Variants in NOL4 observed in about 807,000 individuals in gnomAD.
NOL4 encodes cancer/testis antigen 125.
Under a neutral mutation model 75.9 loss-of-function variants are expected in NOL4, and 17 were observed. That is an observed-to-expected ratio of 0.22 (90% CI 0.15 to 0.34). The LOEUF (loss-of-function observed/expected upper bound fraction) is 0.34. Ranked by LOEUF, NOL4 falls within the 10% of genes least tolerant of loss-of-function variation. The probability of loss-of-function intolerance (pLI) is 1.00; values close to 1 mark genes in which losing one functional copy is unlikely to be tolerated. For missense variants in NOL4, 614 were observed against 793.5 expected, an observed-to-expected ratio of 0.77 and a Z score of 2.72; for synonymous variants, 292 against 289.9, an observed-to-expected ratio of 1.01 and a Z score of -0.07.
intron 4 of NOL4, among the ~76,000 whole-genome samples, chr18:34,095,251 ATGTGTGTGTGTG>A (rs60017439): frequency 3.5e-5 from 5 of 144,408 alleles, no homozygotes; most frequent in Admixed American, 2.8e-4. Context: ...TCTAATGTGT[ATGTGTGTGTGTG>A]TGTGTGTGTG....
At chr18:34,054,964 C>T (rs572275648) in intron 5 of NOL4, among the ~76,000 whole-genome samples, 4 of 148,740 alleles carry the variant, frequency 2.7e-5, no homozygotes, top group South Asian at 2.1e-4. Context: ...TGCATATTTC[C>T]ATATTATATA....
intron 1 of NOL4, among the ~76,000 whole-genome samples, chr18:34,201,480 C>A (rs947308079): frequency 6.6e-6 from 1 of 151,760 alleles, no homozygotes; most frequent in South Asian, 2.1e-4. Context: ...TTATATATCC[C>A]AAGAGACAGA....
intron 1 of NOL4, among the ~76,000 whole-genome samples, chr18:34,160,351 G>T (rs193066291): frequency 3.9e-5 from 6 of 151,992 alleles, no homozygotes; most frequent in East Asian, 3.9e-4. Context: ...CATGAAAAAA[G>T]ATTTTATTGT....
At chr18:34,095,024 T>C (rs2078705747) in intron 4 of NOL4, among the ~76,000 whole-genome samples, 1 of 152,166 alleles carries the variant, frequency 6.6e-6, no homozygotes, top group Non-Finnish European at 1.5e-5. Context: ...GACTAATAAA[T>C]TGGCATTCTG....
intron 5 of NOL4, 95 bp from the exon 6 acceptor site, chr18:34,019,696 G>T (rs77574059): frequency 0.015 from 15,263 of 1,045,862 alleles, 145 homozygotes; most frequent in Non-Finnish European, 0.018. Context: ...TATATGAATG[G>T]CATTTTACAT....
intron 5 of NOL4, among the ~76,000 whole-genome samples, chr18:34,084,644 G>A (rs1568321336): frequency 6.6e-6 from 1 of 152,294 alleles, no homozygotes; most frequent in South Asian, 2.1e-4. Context: ...GTGGAGAAAT[G>A]AGACTGGTAA....
chr18:34,075,377 G>A (rs1169606090), intron 5 of NOL4, among the ~76,000 whole-genome samples: 2 of 152,136 alleles, frequency 1.3e-5, no homozygotes, highest in African/African-American at 4.8e-5. Flanking sequence ...ATCTAGGAGT[G>A]TGCAGAAAAT....
At chr18:34,132,417 G>C (rs1216357121) in intron 1 of NOL4, among the ~76,000 whole-genome samples, 3 of 152,168 alleles carry the variant, frequency 2.0e-5, no homozygotes, top group Non-Finnish European at 4.4e-5. Context: ...AGTTTCACAA[G>C]CATTTCTTAA....
chr18:34,140,907 T>G (rs1217573672), intron 1 of NOL4, among the ~76,000 whole-genome samples: 1 of 151,920 alleles, frequency 6.6e-6, no homozygotes, highest in Admixed American at 6.6e-5. Context: ...TTTGCTTGTC[T>G]AACAATGACT....
chr18:34,027,004 G>T (rs967216987), intron 5 of NOL4, among the ~76,000 whole-genome samples: 2 of 152,154 alleles, frequency 1.3e-5, no homozygotes, highest in African/African-American at 4.8e-5. Flanking sequence ...TGTAGGGGAA[G>T]AAAATGAATT....
intron 1 of NOL4, among the ~76,000 whole-genome samples, chr18:34,142,351 A>C (rs1399174650): frequency 1.3e-5 from 2 of 152,234 alleles, no homozygotes; most frequent in Admixed American, 1.3e-4. Flanking sequence ...AAAGGATTAT[A>C]AATCATGCTG....
intron 6 of NOL4, among the ~76,000 whole-genome samples, chr18:34,012,405 TA>T (rs1438635040): frequency 6.6e-6 from 1 of 151,830 alleles, no homozygotes; most frequent in Non-Finnish European, 1.5e-5. Flanking sequence ...ATTTTATTTT[TA>T]AAAAATCTAC....
rs1300658407 is a variant in NOL4 at position 34,224,593 on chromosome 18, C to A, written c.-1340G>T. The A allele has an allele frequency of 6.6e-6, 1 of 152,308 alleles. No individual in the cohort carries two copies. The highest frequency in any genetic ancestry group is 1.5e-5 in the Non-Finnish European group (1 of 68,152). 9.4% of individuals were successfully genotyped at this position (152,308 alleles called of 1,614,324 possible). A position where few individuals can be genotyped will look rare whatever the true frequency, so the allele number is the denominator to read the frequency against. ...CGCCCGTCCCGGGGAGCGGCTCTGCCAGGAAAACGGCCCGACCAGTGCCCG... is the reference window on the plus strand; with the variant it reads ...CGCCCGTCCCGGGGAGCGGCTCTGCAAGGAAAACGGCCCGACCAGTGCCCG... On this transcript the variant is annotated 5_prime_UTR_variant, in exon 1 of 11. Transcript: ENST00000261592.
chr18:34,204,695 A>T (rs1039046573), intron 1 of NOL4, among the ~76,000 whole-genome samples: 1 of 152,156 alleles, frequency 6.6e-6, no homozygotes, highest in African/African-American at 2.4e-5. Context: ...AAACCCTAAG[A>T]CATCTTTCCA....
chr18:34,164,731 C>T (rs2032075011), intron 1 of NOL4, among the ~76,000 whole-genome samples: 1 of 151,912 alleles, frequency 6.6e-6, no homozygotes, highest in Non-Finnish European at 1.5e-5. Flanking sequence ...CCCAGCCATC[C>T]CATTACTGGG....
At chr18:33,877,706 T>C (rs1443540566) in intron 10 of NOL4, among the ~76,000 whole-genome samples, 2 of 152,082 alleles carry the variant, frequency 1.3e-5, no homozygotes, top group African/African-American at 2.4e-5. Context: ...TGTGCATTTA[T>C]AAAACATGCT....
chr18:33,935,200 C>A (rs930862052), intron 9 of NOL4, among the ~76,000 whole-genome samples: 1 of 152,040 alleles, frequency 6.6e-6, no homozygotes, highest in African/African-American at 2.4e-5. Context: ...AATATTAAAT[C>A]TCCTTCACAC....
At chr18:34,021,556 G>A (rs536658852) in intron 5 of NOL4, among the ~76,000 whole-genome samples, 31 of 152,228 alleles carry the variant, frequency 2.0e-4, no homozygotes, top group Non-Finnish European at 1.3e-4. Flanking sequence ...TTTATTGTGG[G>A]AAGTGACATG....
At chr18:34,109,170 C>T (rs1156620740) in intron 2 of NOL4, among the ~76,000 whole-genome samples, 1 of 151,762 alleles carries the variant, frequency 6.6e-6, no homozygotes, top group Non-Finnish European at 1.5e-5. Flanking sequence ...TTATGAAATA[C>T]GGCAAAAGCA....
Sources: gnomAD v4.1 joint callset for allele counts (sites outside exome capture counted in the v4.1 genomes callset) on GRCh38, gnomAD v4.1.1 for gene constraint, MANE v1.5 for transcripts, NCBI Gene and HGNC (gene_info 2026-07-23, HGNC 2026-07-21) for gene names.